The following EEIG2 variants were observed in gnomAD, a reference collection of about 807,000 sequenced individuals.
EEIG2 encodes the protein EEIG family member 2.
At chr1:108,621,537 A>G in the EEIG2 span, among the ~76,000 whole-genome samples, 2 of 152,116 alleles carry the variant, frequency 1.3e-5, no homozygotes, top group Non-Finnish European at 2.9e-5. Flanking sequence ...GTGTTGCTTA[A>G]AGAGTTGTGG....
At chr1:108,630,117 C>T in the EEIG2 span, among the ~76,000 whole-genome samples, 4 of 152,108 alleles carry the variant, frequency 2.6e-5, no homozygotes, top group Non-Finnish European at 5.9e-5. Flanking sequence ...CAGCTGGGAC[C>T]ATAGGCATGC....
At chr1:108,575,409 G>A in the EEIG2 span, among the ~76,000 whole-genome samples, 1 of 152,138 alleles carries the variant, frequency 6.6e-6, no homozygotes. Context: ...AAACAGAAAA[G>A]GGAAACAGTT....
At chr1:108,628,922 A>C in the EEIG2 span, 3 of 804,722 alleles carry the variant, frequency 3.7e-6, no homozygotes, top group Non-Finnish European at 3.7e-6. Context: ...TGTATAGTAA[A>C]TTTCATGCCC....
the EEIG2 span, among the ~76,000 whole-genome samples, chr1:108,621,772 C>G: frequency 1.3e-5 from 2 of 151,912 alleles, no homozygotes; most frequent in African/African-American, 4.8e-5. Context: ...ACTGTAGGCT[C>G]CATTCTTTGT....
the EEIG2 span, among the ~76,000 whole-genome samples, chr1:108,630,140 C>T: frequency 4.7e-4 from 71 of 152,254 alleles, no homozygotes; most frequent in African/African-American, 1.7e-3. Flanking sequence ...CACTGTGCAT[C>T]GCTAGTCTGA....
the EEIG2 span, among the ~76,000 whole-genome samples, chr1:108,612,889 T>C: frequency 6.6e-6 from 1 of 152,212 alleles, no homozygotes; most frequent in African/African-American, 2.4e-5. Flanking sequence ...TTCAGTTAGG[T>C]TACCCCATGA....
the EEIG2 span, among the ~76,000 whole-genome samples, chr1:108,601,504 T>G: frequency 6.6e-6 from 1 of 150,974 alleles, no homozygotes; most frequent in Admixed American, 6.6e-5. Flanking sequence ...ATTTTAAGTA[T>G]TATATAAAAG....
the EEIG2 span, among the ~76,000 whole-genome samples, chr1:108,608,786 A>G: frequency 3.3e-5 from 5 of 152,232 alleles, no homozygotes; most frequent in Non-Finnish European, 7.3e-5. Flanking sequence ...ACCATAGATT[A>G]GGTGATTTAA....
At chr1:108,597,678 A>G in the EEIG2 span, among the ~76,000 whole-genome samples, 1 of 152,252 alleles carries the variant, frequency 6.6e-6, no homozygotes, top group South Asian at 2.1e-4. Context: ...GTCTCTGGCC[A>G]CTTATTTTTG....
the EEIG2 span, among the ~76,000 whole-genome samples, chr1:108,566,538 G>A: frequency 2.6e-5 from 4 of 151,970 alleles, no homozygotes; most frequent in South Asian, 4.2e-4. Context: ...GTATACATTC[G>A]AAGGAATTGA....
the EEIG2 span, among the ~76,000 whole-genome samples, chr1:108,617,405 G>A: frequency 6.6e-6 from 1 of 152,162 alleles, no homozygotes; most frequent in African/African-American, 2.4e-5. Flanking sequence ...CTGGAAGAAT[G>A]GTGCTCTCAT....
chr1:108,621,911 C>G, the EEIG2 span, among the ~76,000 whole-genome samples: 3 of 151,884 alleles, frequency 2.0e-5, no homozygotes, highest in African/African-American at 7.3e-5. Flanking sequence ...AATCCCAACA[C>G]TTTGGGAGGC....
chr1:108,607,601 A>T, the EEIG2 span, among the ~76,000 whole-genome samples: 2 of 152,092 alleles, frequency 1.3e-5, no homozygotes, highest in Non-Finnish European at 2.9e-5. Context: ...TGGTGGGAGG[A>T]TCACTTGAGC....
At chr1:108,628,718 G>A in the EEIG2 span, 6 of 1,613,152 alleles carry the variant, frequency 3.7e-6, no homozygotes, top group Admixed American at 3.3e-5. Flanking sequence ...CAGCTGAAGC[G>A]AGTTGATGAC....
At chr1:108,616,695 G>A in the EEIG2 span, among the ~76,000 whole-genome samples, 589 of 151,842 alleles carry the variant, frequency 3.9e-3, no homozygotes, top group Admixed American at 5.8e-3. Context: ...TTTTTAATAC[G>A]GCTTCTGTGA....
At chr1:108,635,614 G>A in the EEIG2 span, 1 of 153,434 alleles carries the variant, frequency 6.5e-6, no homozygotes, top group East Asian at 1.9e-4. Context: ...TGTAATTCCT[G>A]TTCTGGAAAT....
At chr1:108,560,394 C>A in the EEIG2 span, 2 of 1,536,980 alleles carry the variant, frequency 1.3e-6, no homozygotes, top group Non-Finnish European at 1.8e-6. Flanking sequence ...CGGCGCCCGG[C>A]CGTGCGCCCA....
the EEIG2 span, chr1:108,616,390 C>G: frequency 5.6e-6 from 9 of 1,596,274 alleles, no homozygotes; most frequent in Admixed American, 3.4e-5. Context: ...AGGTTTTGAT[C>G]AGTATGCAAC....
the EEIG2 span, among the ~76,000 whole-genome samples, chr1:108,570,132 G>A: frequency 6.6e-6 from 1 of 152,226 alleles, no homozygotes; most frequent in Non-Finnish European, 1.5e-5. Context: ...AAAGGAGAAA[G>A]TGTTTAACTG....
Sources: allele counts gnomAD v4.1 joint callset (sites outside exome capture counted in the v4.1 genomes callset), GRCh38; gene constraint gnomAD v4.1.1; transcripts MANE v1.5; gene names NCBI Gene and HGNC (gene_info 2026-07-23, HGNC 2026-07-21).